GLRA2: variants seen among roughly 807,000 people sequenced by gnomAD.
GLRA2 encodes glycine receptor subunit alpha-2.
A neutral mutation model predicts 31.6 loss-of-function variants in GLRA2; 11 were observed. That is an observed-to-expected ratio of 0.35 (90% confidence interval 0.22 to 0.58). The LOEUF is 0.58. Among genes scored for constraint, GLRA2 ranks in the 20% least tolerant of loss-of-function variants. The pLI is 0.84. For missense variants in GLRA2, 212 were observed against 351.8 expected (o/e 0.60, Z 3.18); for synonymous variants, 132 against 134.0 (o/e 0.99, Z 0.10).
chrX:14,572,757 T>G (rs1378917282), intron 2 of GLRA2, among the ~76,000 whole-genome samples: 1 of 111,947 alleles, frequency 8.9e-6, no homozygotes, highest in Non-Finnish European at 1.9e-5. Context: ...ATATATTTTT[T>G]AAAATCACAA....
the GLRA2 span, among the ~76,000 whole-genome samples, chrX:14,455,364 C>A: frequency 9.0e-6 from 1 of 111,489 alleles, no homozygotes; most frequent in Non-Finnish European, 1.9e-5. Context: ...TGGAAAATCA[C>A]ATAGGACAAT....
intron 2 of GLRA2, among the ~76,000 whole-genome samples, chrX:14,573,293 C>T (rs1456597354): frequency 9.0e-6 from 1 of 111,566 alleles, no homozygotes; most frequent in African/African-American, 3.3e-5. Context: ...TGTTTAAGTG[C>T]TGCCATAACT....
At chrX:14,716,991 GCCT>G (rs1289247625) in intron 8 of GLRA2, among the ~76,000 whole-genome samples, 1 of 110,408 alleles carries the variant, frequency 9.1e-6, no homozygotes, top group African/African-American at 3.3e-5. Flanking sequence ...TCAAAAATAT[GCCT>G]CCTATTATAC....
chrX:14,543,049 C>T lies in GLRA2; in HGVS notation c.202+10677C>T, dbSNP rs760644441. ...TTGCCCTTATATCAGAAGGATGATA[C>T]CTTCTTTATAGTATTTTTCCCAAGA... On this transcript the variant is annotated intron_variant, in intron 2 of 8. Transcript: ENST00000218075. Among the ~76,000 whole-genome samples, 11 of 109,184 alleles carry T rather than the reference C, an allele frequency of 1.0e-4. No homozygotes were observed. The South Asian group carries it at 2.0e-3, about 20-fold the overall frequency. The allele number at this position is 109,184 out of a possible 115,157, so 94.8% of individuals were successfully genotyped here.
intron 7 of GLRA2, among the ~76,000 whole-genome samples, chrX:14,652,387 A>T (rs912324233): frequency 9.0e-6 from 1 of 111,132 alleles, no homozygotes; most frequent in Non-Finnish European, 1.9e-5. Flanking sequence ...TTCTCTCCAC[A>T]TATATAGGCG....
the GLRA2 span, among the ~76,000 whole-genome samples, chrX:14,507,264 G>A: frequency 1.8e-5 from 2 of 112,270 alleles, no homozygotes; most frequent in African/African-American, 6.5e-5. Flanking sequence ...ATAGATTTAA[G>A]TTAGGATGAA....
chrX:14,530,994 A>G (rs1260129434), intron 1 of GLRA2: 13 of 888,668 alleles, frequency 1.5e-5, no homozygotes, highest in Non-Finnish European at 1.9e-5. Context: ...TGGAACACAT[A>G]GTAATAATGC....
chrX:14,531,006 A>C, intron 1 of GLRA2: 3 of 928,053 alleles, frequency 3.2e-6, no homozygotes, highest in Non-Finnish European at 4.1e-6. Context: ...TAATAATGCT[A>C]TGAATACTGG....
chrX:14,637,110 T>C (rs1262938919), intron 7 of GLRA2, among the ~76,000 whole-genome samples: 1 of 112,427 alleles, frequency 8.9e-6, no homozygotes, highest in East Asian at 2.8e-4. Flanking sequence ...TTTGACCCAA[T>C]TCCACATTCT....
chrX:14,621,884 G>A (rs1005682079), intron 7 of GLRA2, among the ~76,000 whole-genome samples: 3 of 111,964 alleles, frequency 2.7e-5, no homozygotes, highest in East Asian at 2.8e-4. Context: ...CCCAGTAATG[G>A]GATGGCTGGG....
intron 7 of GLRA2, among the ~76,000 whole-genome samples, chrX:14,662,266 A>T (rs751834532): frequency 1.2e-4 from 13 of 111,277 alleles, no homozygotes; most frequent in Admixed American, 1.2e-3. Context: ...ACACACACAC[A>T]CTCTTACATA....
chrX:14,690,864 G>C lies in GLRA2; in HGVS notation c.1080+5G>C. The C allele has an allele frequency of 8.3e-7, 1 of 1,209,040 alleles. No individual in the cohort carries two copies. The highest frequency in any genetic ancestry group is 1.7e-5 in the African/African-American group (1 of 57,711). On this transcript the variant is annotated splice_donor_5th_base_variant and intron_variant, in intron 8 of 8. Coordinates refer to ENST00000218075, the MANE Select transcript of GLRA2 (RefSeq NM_002063.4). The stretch of plus-strand genomic sequence containing the variant: ...AGACAGAAGAGGCAGAATAAGGTAT[G>C]ATTGCCCCTCAGTTCAGACAATGTA...
chrX:14,489,711 T>C, the GLRA2 span, among the ~76,000 whole-genome samples: 1 of 111,932 alleles, frequency 8.9e-6, no homozygotes, highest in Non-Finnish European at 1.9e-5. Flanking sequence ...TGTCTCATTA[T>C]GAACTAATGC....
Position 14,604,351 on chromosome X carries a change from G to A in GLRA2, c.531G>A (p.Lys177=), listed in dbSNP as rs1376599505. 1.7e-6 allele frequency: 2 copies of A among 1,183,832 alleles called. No homozygotes were observed. Among genetic ancestry groups the A allele is most frequent in the Non-Finnish European group, 2.3e-6 (2 of 872,400 alleles). The change falls in exon 5 of 9, where the codon AAG becomes AAA. Residue 177 remains lysine (K), a synonymous_variant. Transcript: ENST00000218075. ...TLTLSCPMDL[K]NFPMDVQTCT... is the part of the protein sequence containing the mutation. Reference sequence around the variant, plus strand: ...CCTTATCCTGTCCCATGGACTTGAAGAACTTTCCGATGGATGTCCAGACCT... The same window carrying A: ...CCTTATCCTGTCCCATGGACTTGAAAAACTTTCCGATGGATGTCCAGACCT...
At chrX:14,557,281 A>G (rs1324304561) in intron 2 of GLRA2, among the ~76,000 whole-genome samples, 5 of 107,582 alleles carry the variant, frequency 4.6e-5, no homozygotes, top group Non-Finnish European at 5.8e-5. Flanking sequence ...ACGCCCGGCT[A>G]ATTTTTTGTA....
chrX:14,701,465 G>C (rs1406959755), intron 8 of GLRA2, among the ~76,000 whole-genome samples: 2 of 111,562 alleles, frequency 1.8e-5, no homozygotes, highest in East Asian at 2.8e-4. Flanking sequence ...TATGGACCCT[G>C]TGTGTCTGCA....
the GLRA2 span, among the ~76,000 whole-genome samples, chrX:14,508,623 A>G: frequency 1.8e-5 from 2 of 111,956 alleles, no homozygotes; most frequent in Non-Finnish European, 3.8e-5. Context: ...GAGAAGGCCA[A>G]CCTGCAAAAT....
At chrX:14,506,300 T>C in the GLRA2 span, among the ~76,000 whole-genome samples, 4 of 111,249 alleles carry the variant, frequency 3.6e-5, no homozygotes, top group Non-Finnish European at 7.5e-5. Flanking sequence ...TCATCTACTT[T>C]ATTTGATCTA....
chrX:14,534,104 A>G (rs1298016984), intron 2 of GLRA2, among the ~76,000 whole-genome samples: 1 of 110,592 alleles, frequency 9.0e-6, no homozygotes, highest in Non-Finnish European at 1.9e-5. Context: ...TTCCACATCC[A>G]ATTTTTTCCT....
Sources: allele counts gnomAD v4.1 joint callset (sites outside exome capture counted in the v4.1 genomes callset), GRCh38; gene constraint gnomAD v4.1.1; transcripts MANE v1.5; gene names NCBI Gene and HGNC (gene_info 2026-07-23, HGNC 2026-07-21).